The following ACYP2 variants were observed in gnomAD, a reference collection of about 807,000 sequenced individuals.
ACYP2 encodes acylphosphatase-2.
Under a neutral mutation model 11.2 loss-of-function variants are expected in ACYP2, and 12 were observed. That is an observed-to-expected ratio of 1.08 (90% CI 0.69 to 1.74). The LOEUF is 1.74. ACYP2 is among the 40% of genes most tolerant of loss of function. The pLI is 0.00. For missense variants in ACYP2, 134 were observed against 101.9 expected, an observed-to-expected ratio of 1.31 and a Z score of -1.35; for synonymous variants, 43 against 32.2, an observed-to-expected ratio of 1.33 and a Z score of -1.13.
chr2:54,168,299 T>C (rs1872327), intron 6 of ACYP2, among the ~76,000 whole-genome samples: 19,884 of 151,968 alleles, frequency 0.13, 3,087 homozygotes, highest in African/African-American at 0.38. Context: ...TGGTGGTACA[T>C]GCCTGTAATC....
rs376487389 is a variant in ACYP2 at position 54,140,528 on chromosome 2, T to A, written c.404+1780T>A. ...TGTCTCCATGTTCACATTCTCTCTC[T>A]CACACACACACACACACACACTTGC... is the stretch of plus-strand genomic sequence containing the variant. On this transcript the variant is annotated intron_variant, in intron 6 of 6. Coordinates refer to ENST00000607452, the MANE Select transcript of ACYP2 (RefSeq NM_001320586.2). Among the ~76,000 whole-genome samples, 502 of 150,744 alleles carry A rather than the reference T, an allele frequency of 3.3e-3. 5 individuals are homozygous for A. The highest frequency in any genetic ancestry group is 0.011 in the African/African-American group (468 of 41,052).
chr2:53,976,406 T>G (rs538189607), intron 2 of ACYP2, among the ~76,000 whole-genome samples: 2 of 152,276 alleles, frequency 1.3e-5, no homozygotes, highest in Non-Finnish European at 2.9e-5. Context: ...AGAGTCTCAA[T>G]GTGTTGCCCG....
At chr2:54,170,578 TTTA>T (rs72216179) in intron 6 of ACYP2, among the ~76,000 whole-genome samples, 18,952 of 142,672 alleles carry the variant, frequency 0.13, 2,780 homozygotes, top group African/African-American at 0.36. Flanking sequence ...TTTTTTTTTT[TTTA>T]AAATCACAGA....
intron 4 of ACYP2, among the ~76,000 whole-genome samples, chr2:54,088,937 T>A (rs546293241): frequency 1.3e-5 from 2 of 152,260 alleles, no homozygotes; most frequent in African/African-American, 2.4e-5. Context: ...CAGCCCACAA[T>A]TGCATGTTCA....
At chr2:54,102,638 CAAAAAAAAAAAAAAAAAAAAAAAAAAA>C (rs58842257) in intron 4 of ACYP2, among the ~76,000 whole-genome samples, 1 of 83,304 alleles carries the variant, frequency 1.2e-5, no homozygotes. Flanking sequence ...TGGCTTAAGC[CAAAAAAAAAAAAAAAAAAAAAAAAAAA>C]AAAAAAAAAG....
Position 54,078,604 on chromosome 2 carries a change from C to CT in ACYP2, c.277+21257dup, listed in dbSNP as rs11326614. ...TTTTCACTTAAGACATCTCAATAAG[C>CT]TTTTTTTTTTTTTGAGATGGAGTCT... On this transcript the variant is annotated intron_variant, in intron 4 of 6. Transcript: ENST00000607452. Among the ~76,000 whole-genome samples the CT allele has an allele frequency of 2.5e-3, 360 of 141,346 alleles. 2 individuals carry two copies. The highest frequency in any genetic ancestry group is 7.2e-3 in the African/African-American group (277 of 38,696). 92.7% of individuals were successfully genotyped at this position (141,346 alleles called of 152,430 possible). A position where few individuals can be genotyped will look rare whatever the true frequency, so the allele number is the denominator to read the frequency against.
At chr2:54,177,185 A>G (rs1467965671) in intron 6 of ACYP2, among the ~76,000 whole-genome samples, 1 of 152,144 alleles carries the variant, frequency 6.6e-6, no homozygotes, top group African/African-American at 2.4e-5. Context: ...GATGGGATAC[A>G]TTAATGAGCT....
chr2:53,994,286 C>T (rs1280268515), intron 2 of ACYP2, among the ~76,000 whole-genome samples: 1 of 139,038 alleles, frequency 7.2e-6, no homozygotes, highest in Non-Finnish European at 1.5e-5. Flanking sequence ...GCAGAGATCG[C>T]GCCCCTGCAC....
chr2:54,142,004 TGTG>T, intron 6 of ACYP2: 1 of 454,954 alleles, frequency 2.2e-6, no homozygotes, highest in East Asian at 3.1e-5. Flanking sequence ...TGTGTGTGTG[TGTG>T]TGTGTATATT....
At position 54,295,393 on chromosome 2, in the gene ACYP2, T is replaced by C. The variant is rs552606649; in HGVS notation, c.405-9295T>C. Among the ~76,000 whole-genome samples the C allele has an allele frequency of 3.3e-5, 5 of 152,340 alleles. No homozygotes were observed. In the South Asian group the frequency reaches 1.0e-3, roughly 32 times the overall value. ...TAAAATATTTTCTGAGTTTCTGTAA[T>C]AAGAGCAAATATTTCTCTAACTTGC... On this transcript the variant is annotated intron_variant, in intron 6 of 6. Coordinates refer to ENST00000607452, the MANE Select transcript of ACYP2 (RefSeq NM_001320586.2).
intron 5 of ACYP2, among the ~76,000 whole-genome samples, chr2:54,138,215 A>G (rs1025479686): frequency 1.4e-4 from 21 of 152,108 alleles, no homozygotes; most frequent in African/African-American, 4.3e-4. Context: ...TCAATACTCT[A>G]TGTTGATCAT....
At chr2:54,297,534 G>C (rs1321735828) in intron 6 of ACYP2, among the ~76,000 whole-genome samples, 1 of 152,040 alleles carries the variant, frequency 6.6e-6, no homozygotes, top group African/African-American at 2.4e-5. Context: ...AAATTATCCA[G>C]TCCAGCCAAT....
At chr2:54,293,415 T>C (rs1209830866) in intron 6 of ACYP2, among the ~76,000 whole-genome samples, 1 of 152,236 alleles carries the variant, frequency 6.6e-6, no homozygotes, top group Non-Finnish European at 1.5e-5. Context: ...GTTCTCAGAA[T>C]CCTGGGCATA....
intron 4 of ACYP2, among the ~76,000 whole-genome samples, chr2:54,101,485 A>G (rs971395404): frequency 3.3e-5 from 5 of 152,108 alleles, no homozygotes; most frequent in Non-Finnish European, 5.9e-5. Flanking sequence ...CCTGACCAAC[A>G]TGGTGAAACC....
chr2:54,175,516 T>C (rs1006788081), intron 6 of ACYP2, among the ~76,000 whole-genome samples: 23 of 152,136 alleles, frequency 1.5e-4, no homozygotes, highest in African/African-American at 4.6e-4. Flanking sequence ...AAGCATTTTT[T>C]GTATCTCTAT....
At chr2:54,199,618 G>T (rs1010284791) in intron 6 of ACYP2, among the ~76,000 whole-genome samples, 1 of 152,222 alleles carries the variant, frequency 6.6e-6, no homozygotes, top group African/African-American at 2.4e-5. Flanking sequence ...TCTGCTTTTG[G>T]ATAGGGACAG....
chr2:54,089,516 G>C (rs922092143), intron 4 of ACYP2, among the ~76,000 whole-genome samples: 3 of 152,086 alleles, frequency 2.0e-5, no homozygotes, highest in African/African-American at 4.8e-5. Context: ...GGAGGCTGAG[G>C]CAGGAAGATT....
intron 6 of ACYP2, chr2:54,143,204 T>C (rs1365031574): frequency 6.6e-6 from 1 of 152,214 alleles, no homozygotes; most frequent in Non-Finnish European, 1.5e-5. Flanking sequence ...GCCTGTTTGG[T>C]TTCTGACTTT....
intron 6 of ACYP2, among the ~76,000 whole-genome samples, chr2:54,220,442 TC>T (rs1685754612): frequency 6.6e-6 from 1 of 152,208 alleles, no homozygotes; most frequent in Admixed American, 6.5e-5. Context: ...TGTTTTATTT[TC>T]CTTTTTAAAT....
Sources: gnomAD v4.1 joint callset for allele counts (sites outside exome capture counted in the v4.1 genomes callset) on GRCh38, gnomAD v4.1.1 for gene constraint, MANE v1.5 for transcripts, NCBI Gene and HGNC (gene_info 2026-07-23, HGNC 2026-07-21) for gene names.